The following ARID1B variants were observed in gnomAD, a reference collection of about 807,000 sequenced individuals.
The protein encoded by ARID1B is AT-rich interaction domain 1B.
Under a neutral mutation model 212.3 loss-of-function variants are expected in ARID1B, and 30 were observed. The observed-to-expected ratio is 0.14, with a 90% CI of 0.11 to 0.19. ARID1B has a LOEUF of 0.19. Among genes scored for constraint, ARID1B ranks in the 10% least tolerant of loss-of-function variants. The pLI is 1.00. For missense variants in ARID1B, 2,891 were observed against 3,204.0 expected (o/e 0.90, Z 2.36); for synonymous variants, 1,402 against 1,301.7 (o/e 1.08, Z -1.66).
At chr6:156,807,442 T>C (rs979370995) in intron 1 of ARID1B, among the ~76,000 whole-genome samples, 2 of 147,230 alleles carry the variant, frequency 1.4e-5, no homozygotes, top group Admixed American at 6.7e-5. Context: ...TGAGGTTTTT[T>C]CTTAAGGTTT....
chr6:156,876,551 C>G (rs1389705379), intron 2 of ARID1B, among the ~76,000 whole-genome samples: 9 of 152,206 alleles, frequency 5.9e-5, no homozygotes, highest in Non-Finnish European at 1.5e-5. Flanking sequence ...CACCGTTTGC[C>G]CCCATAAAAA....
intron 6 of ARID1B, among the ~76,000 whole-genome samples, chr6:157,130,018 A>C (rs1411927182): frequency 6.6e-6 from 1 of 152,118 alleles, no homozygotes; most frequent in African/African-American, 2.4e-5. Flanking sequence ...AAAGTACAAA[A>C]ATCAGCTGGG....
chr6:157,167,469 C>G (rs1583439666), intron 9 of ARID1B: 2 of 249,880 alleles, frequency 8.0e-6, no homozygotes, highest in East Asian at 1.6e-4. Context: ...AGTTCTCTTT[C>G]TCTTTGGGAA....
At chr6:157,008,344 C>G (rs1050657952) in intron 4 of ARID1B, among the ~76,000 whole-genome samples, 1 of 152,150 alleles carries the variant, frequency 6.6e-6, no homozygotes. Flanking sequence ...CCATGGCTAC[C>G]CCATTTTACT....
chr6:156,961,946 C>T (rs149265646), intron 4 of ARID1B, among the ~76,000 whole-genome samples: 153 of 152,216 alleles, frequency 1.0e-3, no homozygotes, highest in African/African-American at 3.4e-3. Context: ...TTACTAGGGT[C>T]AGTAAATGGA....
intron 15 of ARID1B, among the ~76,000 whole-genome samples, chr6:157,192,471 A>G (rs552291441): frequency 1.3e-5 from 2 of 152,328 alleles, no homozygotes; most frequent in East Asian, 3.9e-4. Context: ...CTCACCTTAC[A>G]GTGGGGTTAC....
In ARID1B at chr6:157,174,857, G is replaced by C; in HGVS notation, c.3356G>C (p.Ser1119Thr). Residue 1119 changes from serine to threonine, a missense_variant, in exon 11 of 20, where the codon AGC becomes ACC. Transcript: ENST00000636930. Reference sequence around the variant, plus strand: ...ATTCCTCTACCACAGGATAGCTACAGCTCTCAGGGTATTTCTCAGCCCCCA... The same window carrying C: ...ATTCCTCTACCACAGGATAGCTACACCTCTCAGGGTATTTCTCAGCCCCCA... ...QPESKSKDSYSSQGISQPPTP... is the reference protein window; with the variant it reads ...QPESKSKDSYTSQGISQPPTP... The C allele has an allele frequency of 6.5e-7, 1 of 1,546,034 alleles. No homozygotes were observed. Among genetic ancestry groups the C allele is most frequent in the South Asian group, 1.2e-5 (1 of 82,268 alleles).
At chr6:156,781,364 A>G (rs1287432307) in intron 1 of ARID1B, among the ~76,000 whole-genome samples, 1 of 152,060 alleles carries the variant, frequency 6.6e-6, no homozygotes, top group Non-Finnish European at 1.5e-5. Flanking sequence ...GGGAAACTAT[A>G]TTCTAAGCAA....
intron 2 of ARID1B, among the ~76,000 whole-genome samples, chr6:156,871,149 A>G (rs1786096256): frequency 6.6e-6 from 1 of 152,334 alleles, no homozygotes; most frequent in Middle Eastern, 3.4e-3. Context: ...TTTCTTGTAC[A>G]GCCTATCTTG....
chr6:156,821,250 C>T (rs1782333011), intron 1 of ARID1B, among the ~76,000 whole-genome samples: 1 of 152,156 alleles, frequency 6.6e-6, no homozygotes, highest in African/African-American at 2.4e-5. Context: ...GTTTAGTCAG[C>T]TGTTGGTGGG....
intron 1 of ARID1B, among the ~76,000 whole-genome samples, chr6:156,789,158 A>C (rs573257352): frequency 3.3e-5 from 5 of 152,212 alleles, no homozygotes; most frequent in African/African-American, 1.2e-4. Context: ...AGTATTTGCT[A>C]TTCTATGTGG....
At chr6:157,052,062 C>G (rs2128379826) in intron 4 of ARID1B, among the ~76,000 whole-genome samples, 1 of 152,200 alleles carries the variant, frequency 6.6e-6, no homozygotes. Flanking sequence ...CTGAGGCCTT[C>G]TATATATTGT....
rs186181233 is a variant in ARID1B, at chr6:157,177,755, T to C, written c.3504+2750T>C. 1.6e-4 allele frequency among the ~76,000 whole-genome samples: 24 copies of C among 152,328 alleles called. No individual in the cohort carries two copies. In the East Asian group the frequency reaches 4.6e-3, roughly 29 times the overall value. ...AATTTTACAGCAATTTCCATTCCTT[T>C]TTCTTGCCTCCACAAAGTTTCACAG... On this transcript the variant is annotated intron_variant, in intron 11 of 19. Transcript: ENST00000636930.
chr6:157,121,684 G>A (rs1787731080), intron 6 of ARID1B, among the ~76,000 whole-genome samples: 1 of 145,418 alleles, frequency 6.9e-6, no homozygotes, highest in Non-Finnish European at 1.5e-5. Flanking sequence ...CCAGGCTGGA[G>A]TGCAGTGGCG....
At chr6:157,005,710 T>C (rs929233472) in intron 4 of ARID1B, among the ~76,000 whole-genome samples, 2 of 152,238 alleles carry the variant, frequency 1.3e-5, no homozygotes, top group African/African-American at 4.8e-5. Context: ...GTAAAGTTTA[T>C]GAGCAGAGGA....
intron 4 of ARID1B, among the ~76,000 whole-genome samples, chr6:157,059,622 G>A (rs952595838): frequency 2.0e-5 from 3 of 152,206 alleles, no homozygotes; most frequent in Admixed American, 6.5e-5. Flanking sequence ...AGTGGGCCAG[G>A]CCCTGTGGAA....
intron 1 of ARID1B, among the ~76,000 whole-genome samples, chr6:156,828,884 A>G (rs1782945579): frequency 6.6e-6 from 1 of 152,234 alleles, no homozygotes; most frequent in Non-Finnish European, 1.5e-5. Context: ...GTAAGCTAAA[A>G]GGAGGTGGGT....
At chr6:156,883,030 G>C (rs1286182597) in intron 2 of ARID1B, among the ~76,000 whole-genome samples, 1 of 152,164 alleles carries the variant, frequency 6.6e-6, no homozygotes, top group Admixed American at 6.5e-5. Flanking sequence ...TCTAAGGGTA[G>C]AGCCTGAATT....
intron 6 of ARID1B, among the ~76,000 whole-genome samples, chr6:157,129,365 C>CT (rs1788373597): frequency 6.6e-6 from 1 of 152,168 alleles, no homozygotes; most frequent in Admixed American, 6.5e-5. Flanking sequence ...CATTCCCAGT[C>CT]CACTGCCGTT....
Sources: gnomAD v4.1 joint callset for allele counts (sites outside exome capture counted in the v4.1 genomes callset) on GRCh38, gnomAD v4.1.1 for gene constraint, MANE v1.5 for transcripts, NCBI Gene and HGNC (gene_info 2026-07-23, HGNC 2026-07-21) for gene names.